Variants in KAZN observed in about 807,000 individuals in gnomAD.
KAZN encodes the protein kazrin, periplakin interacting protein, also known as kazrin.
A neutral mutation model predicts 87.4 loss-of-function variants in KAZN; 40 were observed. The observed-to-expected ratio is 0.46, with a 90% confidence interval of 0.36 to 0.60. The LOEUF is 0.60. Ranked by LOEUF, KAZN falls within the 20% of genes least tolerant of loss-of-function variation. The probability of loss-of-function intolerance (pLI) is 0.00; values close to 1 mark genes in which losing one functional copy is unlikely to be tolerated. For missense variants in KAZN, 898 were observed against 1,073.9 expected (o/e 0.84, Z 2.29); for synonymous variants, 466 against 458.3 (o/e 1.02, Z -0.22).
At chr1:14,884,400 G>A (rs1257958246) in intron 1 of KAZN, among the ~76,000 whole-genome samples, 1 of 151,986 alleles carries the variant, frequency 6.6e-6, no homozygotes, top group African/African-American at 2.4e-5. Context: ...CAAGAAAAAA[G>A]AAGTTCAAAG....
chr1:14,417,067 C>T (rs935242138), intron 2 of KAZN, among the ~76,000 whole-genome samples: 32 of 151,178 alleles, frequency 2.1e-4, no homozygotes, highest in Non-Finnish European at 4.4e-4. Context: ...TGGCATGTGC[C>T]TGTGGTCCCA....
chr1:15,022,311 C>T (rs1294483217), intron 2 of KAZN, among the ~76,000 whole-genome samples: 2 of 152,128 alleles, frequency 1.3e-5, no homozygotes, highest in African/African-American at 2.4e-5. Context: ...CAAGAGTCTG[C>T]CCAGTCCAGC....
intron 13 of KAZN, among the ~76,000 whole-genome samples, chr1:15,109,844 T>G (rs1219728835): frequency 6.6e-6 from 1 of 151,772 alleles, no homozygotes; most frequent in African/African-American, 2.4e-5. Context: ...GGTGTTTGTG[T>G]ATGTTTATGT....
intron 1 of KAZN, among the ~76,000 whole-genome samples, chr1:13,915,379 T>C (rs1639809725): frequency 6.6e-6 from 1 of 152,260 alleles, no homozygotes. Context: ...TCTATAACAT[T>C]AATATATTTG....
At chr1:14,617,537 C>T (rs892340083) in intron 1 of KAZN, among the ~76,000 whole-genome samples, 20 of 152,072 alleles carry the variant, frequency 1.3e-4, no homozygotes, top group African/African-American at 4.6e-4. Flanking sequence ...ATCTACGAAG[C>T]GCAGTAAAAC....
intron 13 of KAZN, among the ~76,000 whole-genome samples, chr1:15,109,334 A>G (rs1641405736): frequency 6.6e-6 from 1 of 152,036 alleles, no homozygotes; most frequent in Admixed American, 6.6e-5. Flanking sequence ...GCACCACTGC[A>G]CTCCAGCCTG....
chr1:14,051,904 TA>T (rs972713128), intron 1 of KAZN, among the ~76,000 whole-genome samples: 6 of 152,196 alleles, frequency 3.9e-5, no homozygotes, highest in Non-Finnish European at 5.9e-5. Context: ...AAAATGCTGT[TA>T]CTTACCATGC....
At chr1:13,920,523 A>G (rs1640025798) in intron 1 of KAZN, among the ~76,000 whole-genome samples, 1 of 152,212 alleles carries the variant, frequency 6.6e-6, no homozygotes. Context: ...GAAAGAAGAA[A>G]GAAACATGAA....
At chr1:14,325,738 C>G (rs768012309) in intron 2 of KAZN, among the ~76,000 whole-genome samples, 3 of 152,084 alleles carry the variant, frequency 2.0e-5, no homozygotes, top group Non-Finnish European at 4.4e-5. Flanking sequence ...ATTTGAGAAT[C>G]CAAGAGAAAT....
intron 1 of KAZN, among the ~76,000 whole-genome samples, chr1:14,123,636 C>A (rs1050039656): frequency 2.0e-5 from 3 of 152,202 alleles, no homozygotes; most frequent in Non-Finnish European, 4.4e-5. Flanking sequence ...ATAGAGTCAA[C>A]CATTTCATGC....
At chr1:15,071,515 A>G (rs1486892704) in intron 8 of KAZN, among the ~76,000 whole-genome samples, 2 of 152,216 alleles carry the variant, frequency 1.3e-5, no homozygotes, top group African/African-American at 4.8e-5. Flanking sequence ...TTGGCCTCCC[A>G]AAGTGCTGGA....
At chr1:14,058,987 T>C (rs56342255) in intron 1 of KAZN, among the ~76,000 whole-genome samples, 26,045 of 152,176 alleles carry the variant, frequency 0.17, 2,566 homozygotes, top group Non-Finnish European at 0.23. Flanking sequence ...TGATGCTACC[T>C]CAGAGGACGG....
intron 1 of KAZN, among the ~76,000 whole-genome samples, chr1:14,848,652 CA>C (rs1023844665): frequency 6.6e-6 from 1 of 152,204 alleles, no homozygotes; most frequent in African/African-American, 2.4e-5. Context: ...TCTGAAGCTA[CA>C]GATGTCAACT....
chr1:14,900,186 CAA>C (rs1451821097), intron 1 of KAZN, among the ~76,000 whole-genome samples: 1 of 152,170 alleles, frequency 6.6e-6, no homozygotes, highest in Non-Finnish European at 1.5e-5. Context: ...CGAACAGCCT[CAA>C]AGACCCCAGG....
At chr1:15,050,515 G>A (rs920792084) in intron 4 of KAZN, among the ~76,000 whole-genome samples, 23 of 152,190 alleles carry the variant, frequency 1.5e-4, no homozygotes, top group African/African-American at 2.9e-4. Flanking sequence ...ATGAGCGGGC[G>A]GAGAAGCAGG....
chr1:15,074,066 G>C (rs969832881), intron 8 of KAZN, among the ~76,000 whole-genome samples: 3 of 152,224 alleles, frequency 2.0e-5, no homozygotes, highest in Admixed American at 6.5e-5. Context: ...GGTTGGTCAA[G>C]GACTCGCTGT....
intron 2 of KAZN, among the ~76,000 whole-genome samples, chr1:14,349,696 C>T (rs1218145439): frequency 2.0e-5 from 3 of 152,118 alleles, no homozygotes; most frequent in Non-Finnish European, 4.4e-5. Flanking sequence ...TGAAAATGAG[C>T]AAGGTACGTT....
chr1:14,875,017 G>A (rs758931758), intron 1 of KAZN, among the ~76,000 whole-genome samples: 2 of 152,068 alleles, frequency 1.3e-5, no homozygotes, highest in Admixed American at 6.6e-5. Context: ...AAAGCCAAAT[G>A]AGGAAAGGTC....
intron 1 of KAZN, among the ~76,000 whole-genome samples, chr1:14,651,160 A>T (rs1031747829): frequency 6.6e-6 from 1 of 152,240 alleles, no homozygotes; most frequent in Non-Finnish European, 1.5e-5. Context: ...GTAATTCCTC[A>T]TCTCATTTTC....
Sources: allele counts gnomAD v4.1 joint callset (sites outside exome capture counted in the v4.1 genomes callset), GRCh38; gene constraint gnomAD v4.1.1; transcripts MANE v1.5; gene names NCBI Gene and HGNC (gene_info 2026-07-23, HGNC 2026-07-21).